Variants in ZSCAN4 observed in about 807,000 individuals in gnomAD.
ZSCAN4 encodes the protein zinc finger and SCAN domain containing 4.
A neutral mutation model predicts 18.3 loss-of-function variants in ZSCAN4; 18 were observed. The observed-to-expected ratio is 0.98, with a 90% confidence interval of 0.68 to 1.46. The LOEUF is 1.46. Among genes scored for constraint, ZSCAN4 ranks in the 40% most tolerant of loss-of-function variants. The probability of loss-of-function intolerance (pLI) is 0.00; values close to 1 mark genes in which losing one functional copy is unlikely to be tolerated. For synonymous variants in ZSCAN4, 193 were observed against 180.3 expected (o/e 1.07, Z -0.57); for missense variants, 498 against 511.4 (o/e 0.97, Z 0.25).
the ZSCAN4 span, among the ~76,000 whole-genome samples, chr19:57,659,857 T>A: frequency 1.3e-5 from 2 of 152,234 alleles, no homozygotes; most frequent in Non-Finnish European, 2.9e-5. Flanking sequence ...CATTTTTTCC[T>A]ACATAGGGTG....
At chr19:57,676,224 C>G in exon 3 of ZSCAN4, 1 of 1,614,048 alleles carries the variant, frequency 6.2e-7, no homozygotes, top group Non-Finnish European at 8.5e-7. Flanking sequence ...AGCGTTTCAA[C>G]AAAGCCAAGG....
the ZSCAN4 span, among the ~76,000 whole-genome samples, chr19:57,660,925 GA>G: frequency 6.6e-6 from 1 of 152,154 alleles, no homozygotes; most frequent in Non-Finnish European, 1.5e-5. Flanking sequence ...GGATAAAATT[GA>G]GCCTTCCTTA....
intron 2 of ZSCAN4, among the ~76,000 whole-genome samples, chr19:57,675,002 A>T (rs1984135200): frequency 6.9e-6 from 1 of 145,284 alleles, no homozygotes; most frequent in Non-Finnish European, 1.5e-5. Flanking sequence ...TCACCCAGGC[A>T]GGAGCTCAGT....
chr19:57,676,213 C>A lies in ZSCAN4; in HGVS notation c.68C>A (p.Ser23Ter). The change falls in exon 3 of 5, where the codon TCA becomes TAA. Residue 23 changes from serine to a stop codon, truncating the protein, a stop_gained. Transcript: ENST00000318203. LOFTEE classifies it high-confidence loss of function. ...GAGAATAATCTTGGATCAGAAAATT[C>A]AGCGTTTCAACAAAGCCAAGGACCT... 6.2e-7 allele frequency: 1 copy of A among 1,614,022 alleles called. No individual in the cohort carries two copies. The highest frequency in any genetic ancestry group is 8.5e-7 in the Non-Finnish European group (1 of 1,179,992).
At chr19:57,658,195 T>C in the ZSCAN4 span, among the ~76,000 whole-genome samples, 2 of 152,116 alleles carry the variant, frequency 1.3e-5, no homozygotes, top group Non-Finnish European at 2.9e-5. Flanking sequence ...TTAATCTGAA[T>C]CTCAAAAGCA....
At chr19:57,664,660 G>A (rs974495270), upstream of ZSCAN4, 7 of 213,904 alleles carry the variant, frequency 3.3e-5, no homozygotes, top group African/African-American at 1.6e-4. Flanking sequence ...CTCCTGCGGA[G>A]AATTCCAATT....
intron 3 of ZSCAN4, 79 bp downstream of exon 3, chr19:57,676,620 G>T: frequency 6.8e-7 from 1 of 1,473,858 alleles, no homozygotes; most frequent in Non-Finnish European, 9.1e-7. Flanking sequence ...GAGTTGTCTG[G>T]AAGTTAGAGA....
At position 57,677,921 on chromosome 19, in the gene ZSCAN4, T is replaced by C. The variant is rs1186860134; in HGVS notation, c.404T>C (p.Val135Ala). 5 of 1,539,130 alleles carry C rather than the reference T, an allele frequency of 3.2e-6. No homozygotes were observed. In the African/African-American group the frequency reaches 4.2e-5, roughly 13 times the overall value. The change falls in exon 4 of 5, where the codon GTC becomes GCC. Residue 135 changes from valine to alanine, a missense_variant. By Grantham distance (64) the Val-to-Ala change is moderately conservative. Transcript: ENST00000318203. ...ATCTGGCTTTCTTTACAGGTCCACG[T>C]CCACATGCAGGGACAGGAAGCTCTC...
the ZSCAN4 span, among the ~76,000 whole-genome samples, chr19:57,660,237 C>T: frequency 1.2e-4 from 17 of 144,458 alleles, no homozygotes; most frequent in African/African-American, 3.0e-4. Flanking sequence ...GTTTGGAACA[C>T]GAAAGAGTTT....
chr19:57,676,467 T>C, exon 3 of ZSCAN4: 1 of 1,614,078 alleles, frequency 6.2e-7, no homozygotes, highest in Non-Finnish European at 8.5e-7. Flanking sequence ...GAAAGAGAAA[T>C]GGAAATCAAG....
exon 5 of ZSCAN4, chr19:57,678,448 C>A (rs1433935072): frequency 1.2e-6 from 2 of 1,614,110 alleles, no homozygotes; most frequent in Non-Finnish European, 1.7e-6. Flanking sequence ...GAGCAGTCCT[C>A]CCCTGAGTCT....
the ZSCAN4 span, among the ~76,000 whole-genome samples, chr19:57,662,868 T>A: frequency 1.3e-5 from 2 of 151,512 alleles, no homozygotes; most frequent in South Asian, 4.2e-4. Context: ...CCTAAGACTA[T>A]TCTTTACTTT....
upstream of ZSCAN4, chr19:57,664,250 A>AGGGGTCG (rs1384606910): frequency 2.0e-5 from 2 of 102,350 alleles, no homozygotes; most frequent in East Asian, 2.7e-4. Context: ...GATGAAAGTG[A>AGGGGTCG]GGGGTCGGGG....
intron 3 of ZSCAN4, among the ~76,000 whole-genome samples, chr19:57,677,544 G>C (rs151198316): frequency 1.3e-5 from 2 of 152,100 alleles, no homozygotes; most frequent in Non-Finnish European, 2.9e-5. Flanking sequence ...TAATACATGT[G>C]TTGGATCCTC....
intron 2 of ZSCAN4, among the ~76,000 whole-genome samples, chr19:57,671,446 AAG>A (rs1203036191): frequency 2.0e-5 from 3 of 151,814 alleles, no homozygotes; most frequent in Non-Finnish European, 4.4e-5. Context: ...GTAATCCAAA[AAG>A]AGAACTTGGA....
chr19:57,677,018 T>C (rs1984208540), intron 3 of ZSCAN4, among the ~76,000 whole-genome samples: 1 of 152,156 alleles, frequency 6.6e-6, no homozygotes, highest in African/African-American at 2.4e-5. Flanking sequence ...CCTCAAGTGA[T>C]CCGCCTGCCT....
At chr19:57,653,132 A>T in the ZSCAN4 span, among the ~76,000 whole-genome samples, 1 of 152,342 alleles carries the variant, frequency 6.6e-6, no homozygotes, top group African/African-American at 2.4e-5. Flanking sequence ...GCCACTCTTA[A>T]GGTAGTCAAC....
intron 2 of ZSCAN4, among the ~76,000 whole-genome samples, chr19:57,671,614 A>G (rs1984025722): frequency 6.6e-6 from 1 of 152,166 alleles, no homozygotes; most frequent in African/African-American, 2.4e-5. Flanking sequence ...CTCGTAGGAC[A>G]AGGACTCAGT....
chr19:57,667,792 C>T (rs1983895089), upstream of ZSCAN4, among the ~76,000 whole-genome samples: 2 of 152,194 alleles, frequency 1.3e-5, no homozygotes, highest in Non-Finnish European at 2.9e-5. Flanking sequence ...CTTGAGACTG[C>T]AGAAGCAGAC....
Sources: gnomAD v4.1 joint callset for allele counts (sites outside exome capture counted in the v4.1 genomes callset) on GRCh38, gnomAD v4.1.1 for gene constraint, MANE v1.5 for transcripts, NCBI Gene and HGNC (gene_info 2026-07-23, HGNC 2026-07-21) for gene names.